The following ARMC8 variants were observed in gnomAD, a reference collection of about 807,000 sequenced individuals.
ARMC8 encodes the protein armadillo repeat containing 8.
Under a neutral mutation model 99.3 loss-of-function variants are expected in ARMC8, and 20 were observed. The ratio of observed to expected loss-of-function variants is 0.20; its 90% CI spans 0.14 to 0.29. The LOEUF is 0.29. Ranked by LOEUF, ARMC8 falls within the 10% of genes least tolerant of loss-of-function variation. ARMC8 has a pLI of 1.00. For synonymous variants in ARMC8, 263 were observed against 278.3 expected (o/e 0.95, Z 0.55); for missense variants, 569 against 809.5 (o/e 0.70, Z 3.60).
chr3:138,196,359 G>A (rs879641213), intron 1 of ARMC8, among the ~76,000 whole-genome samples: 3 of 152,148 alleles, frequency 2.0e-5, no homozygotes, highest in Non-Finnish European at 4.4e-5. Flanking sequence ...AAAAGGTTGA[G>A]TACCTAAATC....
chr3:138,207,253 G>T (rs751326427), intron 1 of ARMC8, among the ~76,000 whole-genome samples: 5 of 152,144 alleles, frequency 3.3e-5, no homozygotes, highest in Non-Finnish European at 5.9e-5. Flanking sequence ...CCTCAGTGCC[G>T]CCTTTATGTT....
chr3:138,239,224 T>C (rs879794819), intron 9 of ARMC8: 5 of 390,666 alleles, frequency 1.3e-5, no homozygotes, highest in Non-Finnish European at 2.3e-5. Context: ...TTAAAACTAT[T>C]TGGTAGGTTT....
chr3:138,253,376 A>G (rs939014922), intron 12 of ARMC8, among the ~76,000 whole-genome samples: 19 of 152,196 alleles, frequency 1.2e-4, no homozygotes, highest in African/African-American at 3.6e-4. Flanking sequence ...GAAATCAGCA[A>G]TTTGACCAAG....
intron 6 of ARMC8, among the ~76,000 whole-genome samples, chr3:138,233,779 C>T (rs2046186041): frequency 6.6e-6 from 1 of 152,190 alleles, no homozygotes; most frequent in Admixed American, 6.5e-5. Flanking sequence ...AGAGCACTTG[C>T]TGGACCAATA....
intron 10 of ARMC8, among the ~76,000 whole-genome samples, chr3:138,240,096 A>C (rs2108168578): frequency 6.6e-6 from 1 of 152,294 alleles, no homozygotes; most frequent in East Asian, 1.9e-4. Flanking sequence ...CTGACTGTAC[A>C]TCCTTTATTC....
At chr3:138,243,322 ATAGT>A (rs1233381319) in intron 11 of ARMC8, among the ~76,000 whole-genome samples, 2 of 152,208 alleles carry the variant, frequency 1.3e-5, no homozygotes, top group African/African-American at 2.4e-5. Context: ...AACTTGAGTA[ATAGT>A]TTGTTTTGTC....
At chr3:138,274,895 G>A (rs2049128393) in intron 18 of ARMC8, among the ~76,000 whole-genome samples, 1 of 152,034 alleles carries the variant, frequency 6.6e-6, no homozygotes, top group Non-Finnish European at 1.5e-5. Context: ...AGCCCTCTCC[G>A]CCGCCATGCT....
intron 19 of ARMC8, among the ~76,000 whole-genome samples, chr3:138,288,672 T>C (rs963676285): frequency 4.2e-5 from 6 of 143,310 alleles, no homozygotes; most frequent in Admixed American, 7.7e-5. Context: ...GGAGTCTCGC[T>C]CTGTCACCCA....
intron 10 of ARMC8, among the ~76,000 whole-genome samples, chr3:138,241,242 T>C (rs2108173395): frequency 6.6e-6 from 1 of 152,288 alleles, no homozygotes; most frequent in East Asian, 1.9e-4. Flanking sequence ...TGCATTATAG[T>C]AGAACTGGTG....
At chr3:138,215,264 T>A (rs777393977) in intron 2 of ARMC8, among the ~76,000 whole-genome samples, 2 of 152,118 alleles carry the variant, frequency 1.3e-5, no homozygotes, top group Non-Finnish European at 2.9e-5. Context: ...TTGCCCAGAC[T>A]GGAGTGCAAT....
chr3:138,290,394 C>T (rs975010162), intron 20 of ARMC8, among the ~76,000 whole-genome samples, 152 bp from the exon 21 acceptor site: 2 of 152,118 alleles, frequency 1.3e-5, no homozygotes, highest in Non-Finnish European at 2.9e-5. Flanking sequence ...CAAGCATGAG[C>T]GGGTCCAACT....
At chr3:138,196,234 T>G (rs368459962) in intron 1 of ARMC8, among the ~76,000 whole-genome samples, 3 of 152,338 alleles carry the variant, frequency 2.0e-5, no homozygotes, top group African/African-American at 7.2e-5. Context: ...TATGCCTTTT[T>G]GGCCAGGTGG....
intron 12 of ARMC8, among the ~76,000 whole-genome samples, chr3:138,253,439 T>C (rs1010746115): frequency 2.0e-5 from 3 of 152,190 alleles, no homozygotes; most frequent in Non-Finnish European, 1.5e-5. Context: ...TCTCTCTGAC[T>C]CCAAAGCCTA....
intron 11 of ARMC8, among the ~76,000 whole-genome samples, chr3:138,243,824 A>G (rs578247065): frequency 1.3e-5 from 2 of 152,194 alleles, no homozygotes; most frequent in Non-Finnish European, 2.9e-5. Context: ...CTCTTTAGGA[A>G]GTTTCAAAAG....
chr3:138,215,074 C>T (rs1388017923), intron 2 of ARMC8, among the ~76,000 whole-genome samples: 5 of 152,082 alleles, frequency 3.3e-5, no homozygotes, highest in East Asian at 1.9e-4. Context: ...TCAGAGAATT[C>T]GATAGGATTA....
At chr3:138,266,414 G>C (rs1005189883) in intron 14 of ARMC8, among the ~76,000 whole-genome samples, 1 of 152,070 alleles carries the variant, frequency 6.6e-6, no homozygotes, top group Non-Finnish European at 1.5e-5. Flanking sequence ...GTTGGGGCCA[G>C]ATTTGACATT....
chr3:138,217,088 C>CT (rs1267532061), intron 2 of ARMC8, among the ~76,000 whole-genome samples: 2 of 152,172 alleles, frequency 1.3e-5, no homozygotes, highest in African/African-American at 2.4e-5. Flanking sequence ...ACCATATAGT[C>CT]TAAGTGTGTA....
At chr3:138,283,468 A>G (rs1293895601) in intron 18 of ARMC8, among the ~76,000 whole-genome samples, 3 of 152,208 alleles carry the variant, frequency 2.0e-5, no homozygotes, top group East Asian at 1.9e-4. Context: ...TGCCTTCTCT[A>G]TTCTCTGTTT....
intron 21 of ARMC8, among the ~76,000 whole-genome samples, chr3:138,292,842 C>T (rs2051098836): frequency 6.6e-6 from 1 of 152,140 alleles, no homozygotes; most frequent in African/African-American, 2.4e-5. Flanking sequence ...AGAGTCCCTC[C>T]AGCATTTAGG....
Sources: gnomAD v4.1 joint callset for allele counts (sites outside exome capture counted in the v4.1 genomes callset) on GRCh38, gnomAD v4.1.1 for gene constraint, MANE v1.5 for transcripts, NCBI Gene and HGNC (gene_info 2026-07-23, HGNC 2026-07-21) for gene names.